IGSF22: variants seen among roughly 807,000 people sequenced by gnomAD.
IGSF22 encodes immunoglobulin superfamily member 22, also known as immunoglobulin superfamily, member 22.
IGSF22 carries 119 observed loss-of-function variants against 127.0 expected under a neutral mutation model. The observed-to-expected ratio is 0.94, with a 90% CI of 0.81 to 1.09. IGSF22 has a LOEUF of 1.09. Ranked by LOEUF, IGSF22 falls within the 50% of genes least tolerant of loss-of-function variation. The probability of loss-of-function intolerance (pLI) is 0.00; values close to 1 mark genes in which losing one functional copy is unlikely to be tolerated. For missense variants in IGSF22, 1,518 were observed against 1,716.6 expected (o/e 0.88, Z 2.04); for synonymous variants, 568 against 664.7 (o/e 0.85, Z 2.24).
At chr11:18,717,338 G>A (rs1483522568) in intron 9 of IGSF22, among the ~76,000 whole-genome samples, 2 of 152,186 alleles carry the variant, frequency 1.3e-5, no homozygotes, top group African/African-American at 4.8e-5. Flanking sequence ...TCAAAGAGAA[G>A]TTAAATAACT....
At chr11:18,710,035 T>C (rs1406111032) in intron 17 of IGSF22, among the ~76,000 whole-genome samples, 1 of 152,050 alleles carries the variant, frequency 6.6e-6, no homozygotes, top group East Asian at 1.9e-4. Flanking sequence ...CCTCCAACCA[T>C]CTACCTCACA....
chr11:18,707,957 C>T lies in IGSF22; in HGVS notation c.3127G>A (p.Val1043Ile), dbSNP rs764876107. The stretch of plus-strand genomic sequence containing the variant: ...ATTGTCTCTCGGCCCTTGGTGGGAA[C>T]GCCATCTTTCTGCCAGATCACGTCA... ...PPDVIWQKDG[V>I]PTKGRETITK... is the part of the protein sequence containing the mutation. Residue 1043 changes from valine to isoleucine, a missense_variant, in exon 20 of 23, where the codon GTT (valine) becomes ATT (isoleucine). By Grantham distance (29) the Val-to-Ile change is conservative. Transcript: ENST00000513874. The T allele has an allele frequency of 2.8e-5, 45 of 1,613,996 alleles. No individual in the cohort carries two copies. Among genetic ancestry groups the T allele is most frequent in the Middle Eastern group, 3.3e-4 (2 of 6,082 alleles).
intron 22 of IGSF22, 109 bp downstream of exon 22, chr11:18,705,695 TGCACCACCTGTTG>T (rs1354273963): frequency 1.1e-4 from 87 of 811,420 alleles, no homozygotes; most frequent in Non-Finnish European, 1.6e-4. Flanking sequence ...TAAGAATGTT[TGCACCACCTGTTG>T]GCAGTCAGAT....
In IGSF22 at chr11:18,715,523, TGCA is replaced by T. The variant is rs751197082; in HGVS notation, c.1437_1439del (p.Asp479_Ala480delinsGlu). 2.5e-5 allele frequency: 41 copies of T among 1,613,740 alleles called. No homozygotes were observed. The highest frequency in any genetic ancestry group is 3.5e-5 in the Non-Finnish European group (41 of 1,179,842). On this transcript the variant is annotated inframe_deletion, in exon 11 of 23. Transcript: ENST00000513874. ...TGTACTCGCCACCATCACTGAGCTGTGCATCCTCAATGATCAGCTCTGCTCGCT... is the reference window on the plus strand; with the variant it reads ...TGTACTCGCCACCATCACTGAGCTGTTCCTCAATGATCAGCTCTGCTCGCT...
At chr11:18,719,568 C>G (rs1347577496) in intron 7 of IGSF22, 148 bp downstream of exon 7, 22 of 745,350 alleles carry the variant, frequency 3.0e-5, no homozygotes, top group Non-Finnish European at 4.6e-5. Context: ...CTTGTGCTCC[C>G]TTGCTGCTTT....
Position 18,712,097 on chromosome 11 carries a change from C to A in IGSF22, c.2383G>T (p.Ala795Ser). The stretch of plus-strand genomic sequence containing the variant: ...TCTCACTGACCTATGGGATTTCCTG[C>A]AAACACTTCTTCTGTCTCCAGTGGG... ...SDPLETEEVF[A>S]GNPIEPPGFA... Residue 795 changes from alanine (A) to serine (S), a missense_variant, in exon 15 of 23, where the codon GCA becomes TCA. Physicochemically the swap from Ala to Ser is moderately conservative, Grantham distance 99. Coordinates refer to ENST00000513874, the MANE Select transcript of IGSF22 (RefSeq NM_173588.4). The A allele has an allele frequency of 2.6e-6, 4 of 1,550,532 alleles. No homozygotes were observed. The highest frequency in any genetic ancestry group is 1.4e-5 in the African/African-American group (1 of 73,168).
In IGSF22 at chr11:18,716,543, T is replaced by G. The variant is rs1320756060; in HGVS notation, c.1246+185A>C. Among the ~76,000 whole-genome samples the G allele has an allele frequency of 6.6e-6, 1 of 152,224 alleles. No individual in the cohort carries two copies. The highest frequency in any genetic ancestry group is 1.5e-5 in the Non-Finnish European group (1 of 68,036). On this transcript the variant is annotated intron_variant, in intron 10 of 22. Transcript: ENST00000513874. This position sits in a 1 kb window ranked among gnomAD's most constrained non-coding sequence, Gnocchi z 4.5. ...AATAACTGCTATTCTAATTTCATTT[T>G]CATACCTGCCTCCCCTACTAGACTA...
chr11:18,708,069 A>G (rs1353601398), intron 19 of IGSF22, 73 bp from the exon 20 acceptor site: 5 of 1,580,450 alleles, frequency 3.2e-6, no homozygotes, highest in African/African-American at 1.3e-5. Flanking sequence ...TCCATTGTCG[A>G]GGAGTTTCCT....
rs1375840244 is a variant in IGSF22, at chr11:18,704,466, GCT to G, written c.3981_*1del. ...CTCCTGATGCCTGGGCTTGGCTGGA[GCT>G]CACATGAGGTGCTTTGATTTCTTCT... On this transcript the variant is annotated stop_lost and 3_prime_UTR_variant, in exon 23 of 23. Transcript: ENST00000513874. 6 of 1,547,098 alleles carry G rather than the reference GCT, an allele frequency of 3.9e-6. No homozygotes were observed. The highest frequency in any genetic ancestry group is 5.2e-6 in the Non-Finnish European group (6 of 1,143,108).
chr11:18,718,910 G>C (rs1271755570), intron 7 of IGSF22, among the ~76,000 whole-genome samples, 182 bp from the exon 8 acceptor site: 1 of 152,118 alleles, frequency 6.6e-6, no homozygotes, highest in Admixed American at 6.5e-5. Context: ...CATTACGGGG[G>C]ATGAGTAAAA....
In IGSF22 at chr11:18,706,000, T is replaced by C; in HGVS notation, c.3727A>G (p.Thr1243Ala). 1 of 1,551,704 alleles carries C rather than the reference T, an allele frequency of 6.4e-7. No homozygotes were observed. Among genetic ancestry groups the C allele is most frequent in the Non-Finnish European group, 8.7e-7 (1 of 1,146,978 alleles). The change falls in exon 22 of 23, where the codon ACA (threonine) becomes GCA (alanine). Residue 1243 changes from threonine (T) to alanine (A), a missense_variant. This residue lies in a region of IGSF22 where 1,456 missense variants were observed against 1,644.9 expected (regional missense o/e 0.89). Coordinates refer to ENST00000513874, the MANE Select transcript of IGSF22 (RefSeq NM_173588.4). The stretch of plus-strand genomic sequence containing the variant: ...ACGTCGCCCTTGTAGAGGGTCACTG[T>C]GGGCCGCGGGTTCCCAAGGAAGGCG... ...TCAFLGNPRPTVTLYKGDVNI... is the reference protein window; with the variant it reads ...TCAFLGNPRPAVTLYKGDVNI...
Position 18,721,966 on chromosome 11 carries a change from G to A in IGSF22, c.185C>T (p.Ala62Val). Reference sequence around the variant, plus strand: ...CACGAACTCAGGGACGCTGTCGCCCGCAGGGATGTTTGAGCTCCGGGTCAC... The same window carrying A: ...CACGAACTCAGGGACGCTGTCGCCCACAGGGATGTTTGAGCTCCGGGTCAC... ...SLVTRSSNIP[A>V]GDSVPEFVEK... Residue 62 changes from alanine (A) to valine (V), a missense_variant, in exon 3 of 23, where the codon GCG (alanine) becomes GTG (valine). Ala to Val is a moderately conservative substitution (Grantham distance 64, BLOSUM62 0). This residue lies in a region of IGSF22 where 1,456 missense variants were observed against 1,644.9 expected (regional missense o/e 0.89). Coordinates refer to ENST00000513874, the MANE Select transcript of IGSF22 (RefSeq NM_173588.4). The A allele has an allele frequency of 6.2e-7, 1 of 1,613,956 alleles. No individual in the cohort carries two copies. The highest frequency in any genetic ancestry group is 8.5e-7 in the Non-Finnish European group (1 of 1,180,026).
chr11:18,715,648 C>T lies in IGSF22; in HGVS notation c.1315G>A (p.Glu439Lys). ...RVKERSRACL[E>K]CELTSKDVTL... ...ACATCCTTGGATGTCAGCTCACACT[C>T]CAGGCATGCGCGACTCCTCTCTTTC... Residue 439 changes from glutamate to lysine, a missense_variant, in exon 11 of 23, where the codon GAG becomes AAG. Physicochemically the swap from Glu to Lys is moderately conservative, Grantham distance 56 (BLOSUM62 1). This residue lies in a region of IGSF22 where 1,456 missense variants were observed against 1,644.9 expected (regional missense o/e 0.89). Transcript: ENST00000513874. 1.9e-6 allele frequency: 3 copies of T among 1,614,018 alleles called. No homozygotes were observed. The highest frequency in any genetic ancestry group is 2.5e-6 in the Non-Finnish European group (3 of 1,180,020).
At position 18,714,205 on chromosome 11, in the gene IGSF22, C is replaced by T. The variant is rs867254354; in HGVS notation, c.1799-57G>A. The T allele has an allele frequency of 6.0e-5, 95 of 1,593,988 alleles. No individual in the cohort carries two copies. The Middle Eastern group carries it at 2.3e-3, about 39-fold the overall frequency. On this transcript the variant is annotated intron_variant, in intron 13 of 22. Coordinates refer to ENST00000513874, the MANE Select transcript of IGSF22 (RefSeq NM_173588.4). ...CATTGGCATGGAGGAGCCCATGGGG[C>T]GGGGGAGAAGCCATGAGCTTGTAGG... is the stretch of plus-strand genomic sequence containing the variant.
At chr11:18,719,186 C>T (rs919771878) in intron 7 of IGSF22, among the ~76,000 whole-genome samples, 1 of 152,124 alleles carries the variant, frequency 6.6e-6, no homozygotes, top group Non-Finnish European at 1.5e-5. Flanking sequence ...GCTCTGTCAC[C>T]CAGGCTGGAG....
In IGSF22 at chr11:18,718,065, G is replaced by T. The variant is rs1319437732; in HGVS notation, c.839C>A (p.Ser280Tyr). 6.2e-7 allele frequency: 1 copy of T among 1,614,132 alleles called. No homozygotes were observed. The highest frequency in any genetic ancestry group is 1.1e-5 in the South Asian group (1 of 91,078). Residue 280 changes from serine (S) to tyrosine (Y), a missense_variant, in exon 9 of 23, where the codon TCC becomes TAC. By Grantham distance (144) the Ser-to-Tyr change is moderately radical. Transcript: ENST00000513874. ...CTGCTTCACATCGTACTTGCCCAGGGAGTACTGGATCCTCAGTGGCTCAGT... is the reference window on the plus strand; with the variant it reads ...CTGCTTCACATCGTACTTGCCCAGGTAGTACTGGATCCTCAGTGGCTCAGT... ...KGTEPLRIQYSLGKYDVKQMG... is the reference protein window; with the variant it reads ...KGTEPLRIQYYLGKYDVKQMG...
At position 18,706,661 on chromosome 11, in the gene IGSF22, C is replaced by G. The variant is rs1476680002; in HGVS notation, c.3580+253G>C. On this transcript the variant is annotated intron_variant, in intron 21 of 22. Transcript: ENST00000513874. Reference sequence around the variant, plus strand: ...CCTCAGAGCAGAACGCGTTTGCGCTCTATGTCCCTCCGCAGCCCCTCCACC... The same window carrying G: ...CCTCAGAGCAGAACGCGTTTGCGCTGTATGTCCCTCCGCAGCCCCTCCACC... 4 of 459,762 alleles carry G rather than the reference C, an allele frequency of 8.7e-6. No homozygotes were observed. In the Admixed American group the frequency reaches 1.6e-4, roughly 18 times the overall value. 28.5% of individuals were successfully genotyped at this position (459,762 alleles called of 1,614,324 possible).
At chr11:18,723,301 A>C (rs1488984646) in intron 2 of IGSF22, among the ~76,000 whole-genome samples, 3 of 152,270 alleles carry the variant, frequency 2.0e-5, no homozygotes, top group African/African-American at 7.2e-5. Flanking sequence ...ATGTGCGGCC[A>C]CAGCAGAGAA....
chr11:18,705,020 G>C (rs887636675), intron 22 of IGSF22, among the ~76,000 whole-genome samples: 1 of 152,198 alleles, frequency 6.6e-6, no homozygotes, highest in East Asian at 1.9e-4. Flanking sequence ...TCGAGAGACA[G>C]AGCAACAGGA....
Sources: allele counts gnomAD v4.1 joint callset (sites outside exome capture counted in the v4.1 genomes callset), GRCh38; gene constraint gnomAD v4.1.1; regional missense constraint gnomAD v4.1.1; non-coding constraint Gnocchi (gnomAD v3.1); transcripts MANE v1.5; gene names NCBI Gene and HGNC (gene_info 2026-07-23, HGNC 2026-07-21).